The following PIWIL2 variants were observed in gnomAD, a reference collection of about 807,000 sequenced individuals.
PIWIL2 encodes piwi like RNA-mediated gene silencing 2.
A neutral mutation model predicts 116.5 loss-of-function variants in PIWIL2; 81 were observed. That is an observed-to-expected ratio of 0.70 (90% CI 0.58 to 0.84). The LOEUF is 0.84. Ranked by LOEUF, PIWIL2 falls within the 40% of genes least tolerant of loss-of-function variation. The pLI, the probability that PIWIL2 is intolerant of heterozygous loss-of-function variation, is 0.00. For missense variants in PIWIL2, 1,272 were observed against 1,212.3 expected (o/e 1.05, Z -0.73); for synonymous variants, 489 against 429.5 (o/e 1.14, Z -1.71).
intron 20 of PIWIL2, among the ~76,000 whole-genome samples, chr8:22,337,816 C>G (rs1226984746): frequency 2.0e-5 from 3 of 151,916 alleles, no homozygotes; most frequent in Non-Finnish European, 4.4e-5. Context: ...AGATCTAGGC[C>G]AGGCGCAGTG....
At chr8:22,320,555 G>A (rs1335639948) in intron 20 of PIWIL2, among the ~76,000 whole-genome samples, 2 of 151,798 alleles carry the variant, frequency 1.3e-5, no homozygotes. Context: ...GAGATTATAG[G>A]TGTGAGCCAC....
chr8:22,307,925 C>T lies in PIWIL2; in HGVS notation c.1546-8C>T. The T allele has an allele frequency of 6.3e-7, 1 of 1,587,710 alleles. No homozygotes were observed. The highest frequency in any genetic ancestry group is 8.6e-7 in the Non-Finnish European group (1 of 1,161,868). On this transcript the variant is annotated splice_polypyrimidine_tract_variant and splice_region_variant and intron_variant, in intron 13 of 22. Coordinates refer to ENST00000356766, the MANE Select transcript of PIWIL2 (RefSeq NM_018068.5). ...TTTATAAGTTATCTTTATTTTAATT[C>T]TGTTTAGGATTTGGCTCAGCAAATC...
intron 20 of PIWIL2, among the ~76,000 whole-genome samples, chr8:22,328,956 T>C (rs1239194590): frequency 2.0e-5 from 3 of 152,006 alleles, no homozygotes; most frequent in Admixed American, 2.0e-4. Context: ...CTTAGTTTAT[T>C]TCCTTTTCTT....
chr8:22,329,623 A>G (rs1383724354), intron 20 of PIWIL2, among the ~76,000 whole-genome samples: 2 of 152,204 alleles, frequency 1.3e-5, no homozygotes, highest in Admixed American at 6.5e-5. Context: ...ACCTCCCACC[A>G]TGCCCCACCT....
intron 10 of PIWIL2, among the ~76,000 whole-genome samples, chr8:22,300,023 T>G (rs781639217): frequency 1.1e-4 from 16 of 152,014 alleles, no homozygotes; most frequent in Non-Finnish European, 1.9e-4. Flanking sequence ...CGCTGCAACC[T>G]CCATCTCCCG....
intron 10 of PIWIL2, among the ~76,000 whole-genome samples, chr8:22,302,214 G>T (rs186970713): frequency 6.5e-4 from 99 of 151,784 alleles, no homozygotes; most frequent in African/African-American, 2.3e-3. Flanking sequence ...ATGGGGTCTC[G>T]CTCTGTCACC....
chr8:22,324,358 C>T (rs975387395), intron 20 of PIWIL2, among the ~76,000 whole-genome samples: 1 of 152,108 alleles, frequency 6.6e-6, no homozygotes, highest in South Asian at 2.1e-4. Flanking sequence ...TATACCCCCA[C>T]CTTTCCACTT....
chr8:22,337,486 T>C lies in PIWIL2; in HGVS notation c.2404-15473T>C, dbSNP rs181276705. Among the ~76,000 whole-genome samples the C allele has an allele frequency of 3.5e-4, 53 of 152,114 alleles. 1 individual carries two copies. In the East Asian group the frequency reaches 9.3e-3, roughly 27 times the overall value. On this transcript the variant is annotated intron_variant, in intron 20 of 22. Coordinates refer to ENST00000356766, the MANE Select transcript of PIWIL2 (RefSeq NM_018068.5). ...GCACACACCTGTAATCCCAGCACTT[T>C]GGGAGGCTGAGGCGGGTGGATCACC...
intron 10 of PIWIL2, among the ~76,000 whole-genome samples, chr8:22,298,864 G>T (rs1252557281): frequency 6.6e-6 from 1 of 152,176 alleles, no homozygotes; most frequent in Non-Finnish European, 1.5e-5. Context: ...GAGTTGATTT[G>T]CCCTGAGAGG....
chr8:22,352,972 T>G lies in PIWIL2; in HGVS notation c.2417T>G (p.Leu806Arg). 1.2e-6 allele frequency: 2 copies of G among 1,613,094 alleles called. No individual in the cohort carries two copies. The highest frequency in any genetic ancestry group is 2.2e-5 in the South Asian group (2 of 90,960). ...LKKFYEVNHC[L>R]PEKIVVYRDG... ...CTGTCATTTCAGGTGAACCACTGTCTACCAGAGAAGATTGTGGTGTACCGT... is the reference window on the plus strand; with the variant it reads ...CTGTCATTTCAGGTGAACCACTGTCGACCAGAGAAGATTGTGGTGTACCGT... Residue 806 changes from leucine (L) to arginine (R), a missense_variant, in exon 21 of 23, where the codon CTA becomes CGA. Coordinates refer to ENST00000356766, the MANE Select transcript of PIWIL2 (RefSeq NM_018068.5).
At chr8:22,346,387 T>C (rs1194540705) in intron 20 of PIWIL2, among the ~76,000 whole-genome samples, 1 of 152,198 alleles carries the variant, frequency 6.6e-6, no homozygotes, top group Non-Finnish European at 1.5e-5. Flanking sequence ...TTCGCATGCT[T>C]GGCTGATTCC....
At chr8:22,327,091 G>A (rs373942411) in intron 20 of PIWIL2, among the ~76,000 whole-genome samples, 4 of 133,340 alleles carry the variant, frequency 3.0e-5, no homozygotes, top group Non-Finnish European at 4.6e-5. Context: ...GCAGTGACAC[G>A]ATCTTGGCTT....
chr8:22,350,774 G>A (rs1005154601), intron 20 of PIWIL2, among the ~76,000 whole-genome samples: 7 of 152,242 alleles, frequency 4.6e-5, no homozygotes, highest in Admixed American at 4.6e-4. Context: ...GGCTGAGGGA[G>A]GAGGATTACT....
At chr8:22,318,441 C>T (rs964557179) in intron 20 of PIWIL2, among the ~76,000 whole-genome samples, 166 bp downstream of exon 20, 1 of 152,096 alleles carries the variant, frequency 6.6e-6, no homozygotes, top group Non-Finnish European at 1.5e-5. Context: ...CCTCAGCCTT[C>T]CAAGTAGCTG....
Position 22,354,544 on chromosome 8 carries a change from A to G in PIWIL2, c.2765+166A>G, listed in dbSNP as rs529043402. On this transcript the variant is annotated intron_variant, in intron 22 of 22. Transcript: ENST00000356766. ...GAGAGATTGGAAATCCTGGTTTTAT[A>G]TTAAAATTACTTTTACTTAAAGAGC... Among the ~76,000 whole-genome samples the G allele has an allele frequency of 9.9e-5, 15 of 152,248 alleles. 1 individual carries two copies. The highest frequency in any genetic ancestry group is 4.2e-4 in the South Asian group (2 of 4,818).
intron 20 of PIWIL2, among the ~76,000 whole-genome samples, chr8:22,350,610 A>C (rs1432096291): frequency 6.6e-6 from 1 of 152,170 alleles, no homozygotes; most frequent in Non-Finnish European, 1.5e-5. Flanking sequence ...AAAATAAATA[A>C]AAAGTACCAC....
At chr8:22,285,317 G>A (rs1219404087) in intron 6 of PIWIL2, among the ~76,000 whole-genome samples, 1 of 152,152 alleles carries the variant, frequency 6.6e-6, no homozygotes, top group African/African-American at 2.4e-5. Flanking sequence ...AGTGAGATCA[G>A]ATGGTATTTG....
intron 20 of PIWIL2, among the ~76,000 whole-genome samples, chr8:22,348,720 T>C (rs1342891845): frequency 6.6e-6 from 1 of 152,140 alleles, no homozygotes; most frequent in Non-Finnish European, 1.5e-5. Flanking sequence ...GCCCAGAAGG[T>C]TGAGTGACAG....
intron 15 of PIWIL2, among the ~76,000 whole-genome samples, chr8:22,310,595 C>G (rs1042197085): frequency 6.6e-6 from 1 of 151,854 alleles, no homozygotes; most frequent in African/African-American, 2.4e-5. Context: ...GAAAAGCACA[C>G]TTATAAACGT....
Sources: allele counts gnomAD v4.1 joint callset (sites outside exome capture counted in the v4.1 genomes callset), GRCh38; gene constraint gnomAD v4.1.1; transcripts MANE v1.5; gene names NCBI Gene and HGNC (gene_info 2026-07-23, HGNC 2026-07-21).